KCNQ1: variants seen among roughly 807,000 people sequenced by gnomAD.
KCNQ1 encodes the protein potassium voltage-gated channel subfamily KQT member 1.
KCNQ1 carries 49 observed loss-of-function variants against 72.4 expected under a neutral mutation model. The ratio of observed to expected loss-of-function variants is 0.68; its 90% confidence interval spans 0.54 to 0.86. The LOEUF (loss-of-function observed/expected upper bound fraction) is 0.86, where lower values mean the gene tolerates loss of function less well. KCNQ1 is among the 40% of genes least tolerant of loss of function. KCNQ1 has a pLI of 0.00. For synonymous variants in KCNQ1, 450 were observed against 412.6 expected, an observed-to-expected ratio of 1.09 and a Z score of -1.10; for missense variants, 790 against 945.1, an observed-to-expected ratio of 0.84 and a Z score of 2.15.
In KCNQ1 at chr11:2,737,095, G is replaced by T. The variant is rs373871591; in HGVS notation, c.1515-31749G>T. Among the ~76,000 whole-genome samples, 11 of 152,360 alleles carry T rather than the reference G, an allele frequency of 7.2e-5. No individual in the cohort carries two copies. The East Asian group carries it at 1.4e-3, about 19-fold the overall frequency. On this transcript the variant is annotated intron_variant, in intron 11 of 15. Coordinates refer to ENST00000155840, the MANE Select transcript of KCNQ1 (RefSeq NM_000218.3). ...AGTGGGTCCAGAAGAGATCCCAGCG[G>T]GAAGGGGCAGCCTTCAGGGTAGGGC...
chr11:2,513,746 C>T (rs1406980893), intron 1 of KCNQ1, among the ~76,000 whole-genome samples: 1 of 152,250 alleles, frequency 6.6e-6, no homozygotes, highest in Non-Finnish European at 1.5e-5. Context: ...TCTCCTCTCT[C>T]CTCTGGGATC....
chr11:2,656,083 C>T, intron 10 of KCNQ1: 1 of 398,644 alleles, frequency 2.5e-6, no homozygotes, highest in Non-Finnish European at 4.4e-6. Context: ...GGGCACTTGT[C>T]ATCATGGGTG....
At chr11:2,504,055 T>C (rs1221904933) in intron 1 of KCNQ1, among the ~76,000 whole-genome samples, 1 of 152,188 alleles carries the variant, frequency 6.6e-6, no homozygotes, top group African/African-American at 2.4e-5. Context: ...CTATTCACAA[T>C]AGCCAAGATT....
chr11:2,468,163 C>T lies in KCNQ1; in HGVS notation c.386+22679C>T, dbSNP rs901260224. Among the ~76,000 whole-genome samples, 21 of 152,260 alleles carry T rather than the reference C, an allele frequency of 1.4e-4. No homozygotes were observed. The highest frequency in any genetic ancestry group is 4.1e-4 in the African/African-American group (17 of 41,566). ...TCCCAGAAGTTTATTTTTTATTTTTCGAGACAGGGTCTCCCTCTGTCACTT... is the reference window on the plus strand; with the variant it reads ...TCCCAGAAGTTTATTTTTTATTTTTTGAGACAGGGTCTCCCTCTGTCACTT... On this transcript the variant is annotated intron_variant, in intron 1 of 15. Transcript: ENST00000155840. The surrounding 1 kb of genome is among the most constrained non-coding windows in gnomAD (Gnocchi z 5.7).
At chr11:2,618,492 G>A in intron 10 of KCNQ1, 2 of 398,514 alleles carry the variant, frequency 5.0e-6, no homozygotes, top group East Asian at 7.1e-5. Flanking sequence ...GTGTTCTTGT[G>A]GAAAATTGGT....
At chr11:2,829,316 A>G (rs1847897955) in intron 15 of KCNQ1, among the ~76,000 whole-genome samples, 1 of 151,792 alleles carries the variant, frequency 6.6e-6, no homozygotes, top group Non-Finnish European at 1.5e-5. Flanking sequence ...TCCCAGAAGA[A>G]AAAAAAAATG....
At chr11:2,643,155 C>A in intron 10 of KCNQ1, 1 of 398,178 alleles carries the variant, frequency 2.5e-6, no homozygotes, top group South Asian at 1.3e-4. Context: ...ATGAACTGGT[C>A]TGTAAATGTC....
In KCNQ1 at chr11:2,588,929, A is replaced by C; in HGVS notation, c.1393+75A>C. 1 of 1,542,974 alleles carries C rather than the reference A, an allele frequency of 6.5e-7. No individual in the cohort carries two copies. Among genetic ancestry groups the C allele is most frequent in the South Asian group, 1.1e-5 (1 of 87,236 alleles). On this transcript the variant is annotated intron_variant, in intron 10 of 15. Coordinates refer to ENST00000155840, the MANE Select transcript of KCNQ1 (RefSeq NM_000218.3). The surrounding 1 kb of genome is among the most constrained non-coding windows in gnomAD (Gnocchi z 5.6). ...CCTTTTTTGGGAGCCCGAGCAAGCCAGTGAGTTTCTCCCTTGGGCTGTGGT... is the reference window on the plus strand; with the variant it reads ...CCTTTTTTGGGAGCCCGAGCAAGCCCGTGAGTTTCTCCCTTGGGCTGTGGT...
intron 1 of KCNQ1, among the ~76,000 whole-genome samples, chr11:2,500,205 C>G (rs1379071933): frequency 6.6e-6 from 1 of 152,004 alleles, no homozygotes; most frequent in Non-Finnish European, 1.5e-5. Flanking sequence ...GTTTGTAGTT[C>G]TCCTTGAAGA....
intron 15 of KCNQ1, among the ~76,000 whole-genome samples, chr11:2,821,002 C>T (rs932257286): frequency 1.3e-5 from 2 of 152,222 alleles, no homozygotes; most frequent in South Asian, 2.1e-4. Context: ...CCCATCTAAG[C>T]GAGGGGTTCC....
intron 10 of KCNQ1, among the ~76,000 whole-genome samples, chr11:2,596,599 A>C (rs756206543): frequency 1.3e-5 from 2 of 152,174 alleles, no homozygotes; most frequent in African/African-American, 2.4e-5. Flanking sequence ...CAAAAAAAAA[A>C]AGAGTACATG....
intron 1 of KCNQ1, among the ~76,000 whole-genome samples, chr11:2,466,133 C>G (rs890476688): frequency 4.6e-5 from 7 of 152,194 alleles, no homozygotes; most frequent in Non-Finnish European, 8.8e-5. Context: ...GAGGCTTTGC[C>G]TAGGGAGTGT....
intron 11 of KCNQ1, chr11:2,675,868 G>A (rs943511346): frequency 1.5e-5 from 6 of 398,578 alleles, no homozygotes; most frequent in African/African-American, 1.0e-4. Context: ...CCTGCCTTCT[G>A]GGGAGCCAAT....
chr11:2,811,165 C>T (rs954674435), intron 15 of KCNQ1, among the ~76,000 whole-genome samples: 3 of 152,202 alleles, frequency 2.0e-5, no homozygotes, highest in African/African-American at 7.2e-5. Flanking sequence ...CTGTCACACC[C>T]CTGTACAGCT....
chr11:2,581,573 G>A (rs918348256), intron 6 of KCNQ1, among the ~76,000 whole-genome samples: 1 of 152,238 alleles, frequency 6.6e-6, no homozygotes, highest in Non-Finnish European at 1.5e-5. Flanking sequence ...ACCTGGCTGC[G>A]CTCCGTGTGC....
rs1849753511 is a variant in KCNQ1, at chr11:2,651,323, A to G, written c.1394-10638A>G. On this transcript the variant is annotated intron_variant, in intron 10 of 15. Transcript: ENST00000155840. The surrounding 1 kb of genome is among the most constrained non-coding windows in gnomAD (Gnocchi z 6.1). ...TGGGAAGCTGCACAGAACACTCCTC[A>G]GAGTTCTACAAGCGGCTGAGAGAGC... The G allele has an allele frequency of 1.0e-5, 4 of 398,596 alleles. No homozygotes were observed. The South Asian group carries it at 5.1e-4, about 51-fold the overall frequency. The allele number at this position is 398,596 out of a possible 1,614,324, so 24.7% of individuals were successfully genotyped here. A position where few individuals can be genotyped will look rare whatever the true frequency, so the allele number is the denominator to read the frequency against.
At position 2,599,774 on chromosome 11, in the gene KCNQ1, T is replaced by C. The variant is rs1848775645; in HGVS notation, c.1393+10920T>C. Among the ~76,000 whole-genome samples, 1 of 152,168 alleles carries C rather than the reference T, an allele frequency of 6.6e-6. No homozygotes were observed. Among genetic ancestry groups the C allele is most frequent in the South Asian group, 2.1e-4 (1 of 4,828 alleles). On this transcript the variant is annotated intron_variant, in intron 10 of 15. Coordinates refer to ENST00000155840, the MANE Select transcript of KCNQ1 (RefSeq NM_000218.3). The surrounding 1 kb of genome is among the most constrained non-coding windows in gnomAD (Gnocchi z 4.7). ...TGGTGTTTCTCTGTGTGTCCAAATATCCTTTTCTTTAAGGGCACCAGTCAC... is the reference window on the plus strand; with the variant it reads ...TGGTGTTTCTCTGTGTGTCCAAATACCCTTTTCTTTAAGGGCACCAGTCAC...
rs1476293617 is a variant in KCNQ1, at chr11:2,626,830, T to C, written c.1394-35131T>C. Reference sequence around the variant, plus strand: ...GGTGTAGGCCATTGTACCTGGCCTGTAGTAAGTTTTCAAATCAGAAAGTGT... The same window carrying C: ...GGTGTAGGCCATTGTACCTGGCCTGCAGTAAGTTTTCAAATCAGAAAGTGT... On this transcript the variant is annotated intron_variant, in intron 10 of 15. Transcript: ENST00000155840. This position sits in a 1 kb window ranked among gnomAD's most constrained non-coding sequence, Gnocchi z 4.0. The C allele has an allele frequency of 5.0e-6, 2 of 398,492 alleles. No homozygotes were observed. Among genetic ancestry groups the C allele is most frequent in the African/African-American group, 2.1e-5 (1 of 48,624 alleles). 24.7% of individuals were successfully genotyped at this position (398,492 alleles called of 1,614,324 possible).
At chr11:2,800,700 C>T (rs964222266) in intron 15 of KCNQ1, among the ~76,000 whole-genome samples, 3 of 152,232 alleles carry the variant, frequency 2.0e-5, no homozygotes, top group Non-Finnish European at 4.4e-5. Flanking sequence ...GGGCACCACA[C>T]ATAGCCTCTC....
Sources: gnomAD v4.1 joint callset for allele counts (sites outside exome capture counted in the v4.1 genomes callset) on GRCh38, gnomAD v4.1.1 for gene constraint, Gnocchi (gnomAD v3.1) non-coding constraint, MANE v1.5 for transcripts, NCBI Gene and HGNC (gene_info 2026-07-23, HGNC 2026-07-21) for gene names.